GLB1L3: variants seen among roughly 807,000 people sequenced by gnomAD.
GLB1L3 encodes the protein galactosidase beta 1 like 3.
A neutral mutation model predicts 89.5 loss-of-function variants in GLB1L3; 89 were observed. The ratio of observed to expected loss-of-function variants is 0.99; its 90% confidence interval spans 0.84 to 1.19. GLB1L3 has a LOEUF of 1.19. GLB1L3 is among the 50% of genes most tolerant of loss of function. The pLI, the probability that GLB1L3 is intolerant of heterozygous loss-of-function variation, is 0.00. For synonymous variants in GLB1L3, 314 were observed against 312.3 expected (o/e 1.01, Z -0.06); for missense variants, 812 against 813.3 (o/e 1.00, Z 0.02).
chr11:134,322,560 C>T (rs1368045420), downstream of GLB1L3, among the ~76,000 whole-genome samples: 1 of 152,130 alleles, frequency 6.6e-6, no homozygotes. Context: ...CTTAACCTGT[C>T]AGTAGTTACT....
At chr11:134,301,964 T>C (rs1941969426) in intron 9 of GLB1L3, among the ~76,000 whole-genome samples, 1 of 151,734 alleles carries the variant, frequency 6.6e-6, no homozygotes, top group Non-Finnish European at 1.5e-5. Context: ...ATTGTTTTCT[T>C]TGATTATTAA....
intron 18 of GLB1L3, among the ~76,000 whole-genome samples, chr11:134,314,992 A>G (rs1250879715): frequency 6.6e-6 from 1 of 152,236 alleles, no homozygotes. Flanking sequence ...TATCACTGAA[A>G]GTTAAAAATA....
chr11:134,279,615 C>T (rs1257820210), intron 3 of GLB1L3, among the ~76,000 whole-genome samples: 2 of 152,160 alleles, frequency 1.3e-5, no homozygotes, highest in Non-Finnish European at 2.9e-5. Context: ...ATCCGCCTGC[C>T]TCGGCCTCCC....
chr11:134,308,413 CCACCAT>C (rs1942438468), intron 10 of GLB1L3, among the ~76,000 whole-genome samples: 3 of 37,116 alleles, frequency 8.1e-5, no homozygotes, highest in Non-Finnish European at 1.7e-4. Flanking sequence ...ATCACCACCA[CCACCAT>C]CATCACCATC....
rs1199648482 is a variant in GLB1L3 at position 134,314,344 on chromosome 11, C to T, written c.1682C>T (p.Thr561Ile). ...CTTTCTTCCAGGCTCCGCTCTGCCA[C>T]CTGGAAGCCTGTCCCAGACAGCCAC... is the stretch of plus-strand genomic sequence containing the variant. The part of the protein sequence containing the change: ...MSFFERLRSA[T>I]WKPVPDSHQG... The change falls in exon 18 of 20, where the codon ACC becomes ATC. Residue 561 changes from threonine to isoleucine, a missense_variant. Transcript: ENST00000431683. 16 of 1,549,404 alleles carry T rather than the reference C, an allele frequency of 1.0e-5. No individual in the cohort carries two copies. The highest frequency in any genetic ancestry group is 1.7e-4 in the Middle Eastern group (1 of 5,956).
At chr11:134,282,391 G>A (rs1053559534) in intron 5 of GLB1L3, among the ~76,000 whole-genome samples, 1 of 152,098 alleles carries the variant, frequency 6.6e-6, no homozygotes. Context: ...TCAAGAGGGT[G>A]TGCGCGGGGA....
rs763395457 is a variant in GLB1L3, at chr11:134,311,137, C to T, written c.1254C>T (p.Leu418=). The change falls in exon 13 of 20, where the codon CTC becomes CTT. Residue 418 remains leucine, a synonymous_variant. Coordinates refer to ENST00000431683, the MANE Select transcript of GLB1L3 (RefSeq NM_001080407.3). ...VYPPVRPSLY[L]PLWDALSYLN... ...CCCCCGTGAGACCGTCGCTGTACCT[C>T]CCGCTGTGGGACGCCCTATCCTACT... 1 of 1,613,870 alleles carries T rather than the reference C, an allele frequency of 6.2e-7. No homozygotes were observed. The highest frequency in any genetic ancestry group is 8.5e-7 in the Non-Finnish European group (1 of 1,179,814).
intron 10 of GLB1L3, among the ~76,000 whole-genome samples, chr11:134,307,950 G>A (rs1470124061): frequency 6.6e-6 from 1 of 152,116 alleles, no homozygotes; most frequent in Non-Finnish European, 1.5e-5. Context: ...AAGGCCACTT[G>A]TATCTGAAGT....
intron 10 of GLB1L3, among the ~76,000 whole-genome samples, chr11:134,308,670 C>A (rs1446500248): frequency 6.7e-6 from 1 of 149,658 alleles, no homozygotes; most frequent in Non-Finnish European, 1.5e-5. Context: ...ACCACCACCA[C>A]CACCAACACC....
chr11:134,323,375 G>C (rs962349794), downstream of GLB1L3, among the ~76,000 whole-genome samples: 30 of 109,076 alleles, frequency 2.8e-4, no homozygotes, highest in Non-Finnish European at 5.1e-4. Context: ...ACACACATGC[G>C]TGCGCACACA....
At chr11:134,295,889 G>A (rs1335072381) in intron 9 of GLB1L3, among the ~76,000 whole-genome samples, 2 of 152,070 alleles carry the variant, frequency 1.3e-5, no homozygotes, top group African/African-American at 4.8e-5. Context: ...TTGGGAGTGT[G>A]CTGTTTCATT....
chr11:134,303,389 C>T (rs529888054), intron 9 of GLB1L3, among the ~76,000 whole-genome samples: 3 of 152,226 alleles, frequency 2.0e-5, no homozygotes, highest in African/African-American at 7.2e-5. Flanking sequence ...GATTATGTGC[C>T]TGCTTTTAAG....
At chr11:134,308,196 T>TCATCACTACCACCACCACCAC (rs1565412214) in intron 10 of GLB1L3, among the ~76,000 whole-genome samples, 1 of 68,814 alleles carries the variant, frequency 1.5e-5, no homozygotes, top group Non-Finnish European at 2.6e-5. Flanking sequence ...ATCATCACCA[T>TCATCACTACCACCACCACCAC]CACCACTACC....
chr11:134,276,330 G>T, upstream of GLB1L3: 1 of 176,356 alleles, frequency 5.7e-6, no homozygotes, highest in Non-Finnish European at 1.2e-5. Flanking sequence ...CACGGAGACC[G>T]CCCGCTGTGC....
At chr11:134,309,450 T>G (rs1454385925) in intron 10 of GLB1L3, among the ~76,000 whole-genome samples, 176 bp from the exon 11 acceptor site, 2 of 151,028 alleles carry the variant, frequency 1.3e-5, no homozygotes, top group Non-Finnish European at 2.9e-5. Context: ...AAAAATTGTT[T>G]TTTTTTTTAT....
intron 9 of GLB1L3, chr11:134,305,318 A>G (rs945079453): frequency 2.3e-5 from 12 of 511,834 alleles, no homozygotes; most frequent in Middle Eastern, 4.6e-4. Context: ...ACTATAGAGT[A>G]TGCTTCTTAC....
chr11:134,282,262 C>A, intron 5 of GLB1L3, 142 bp downstream of exon 5: 1 of 1,068,482 alleles, frequency 9.4e-7, no homozygotes, highest in Non-Finnish European at 1.3e-6. Flanking sequence ...ACGCACCGTG[C>A]CTGTGTTGTC....
intron 10 of GLB1L3, among the ~76,000 whole-genome samples, chr11:134,308,418 AT>A (rs1942440676): frequency 9.8e-6 from 1 of 101,760 alleles, no homozygotes; most frequent in South Asian, 3.0e-4. Flanking sequence ...CACCACCACC[AT>A]CATCACCATC....
chr11:134,300,626 G>C lies in GLB1L3; in HGVS notation c.877-6498G>C, dbSNP rs186099243. ...TGGGATTACAGGCGTGAGCCACCGC[G>C]CCCGGCCCCTATTGACCACATTTTA... is the stretch of plus-strand genomic sequence containing the variant. On this transcript the variant is annotated intron_variant, in intron 9 of 19. Transcript: ENST00000431683. Among the ~76,000 whole-genome samples the C allele has an allele frequency of 2.6e-5, 4 of 151,948 alleles. No individual in the cohort carries two copies. In the South Asian group the frequency reaches 8.3e-4, roughly 32 times the overall value.
Sources: allele counts gnomAD v4.1 joint callset (sites outside exome capture counted in the v4.1 genomes callset), GRCh38; gene constraint gnomAD v4.1.1; transcripts MANE v1.5; gene names NCBI Gene and HGNC (gene_info 2026-07-23, HGNC 2026-07-21).